The following MSRB3 variants were observed in gnomAD, a reference collection of about 807,000 sequenced individuals.
The protein encoded by MSRB3 is methionine sulfoxide reductase B3, also known as methionine-R-sulfoxide reductase B3.
Under a neutral mutation model 21.0 loss-of-function variants are expected in MSRB3, and 13 were observed. The observed-to-expected ratio is 0.62, with a 90% CI of 0.40 to 0.98. MSRB3 has a LOEUF of 0.98. Among genes scored for constraint, MSRB3 ranks in the 50% least tolerant of loss-of-function variants. MSRB3 has a pLI of 0.00. For synonymous variants in MSRB3, 87 were observed against 88.6 expected (o/e 0.98, Z 0.10); for missense variants, 199 against 230.3 (o/e 0.86, Z 0.88).
chr12:65,388,042 A>G lies in MSRB3; in HGVS notation c.292+19016A>G, dbSNP rs566908957. On this transcript the variant is annotated intron_variant, in intron 5 of 6. Transcript: ENST00000308259. Reference sequence around the variant, plus strand: ...TTTAGTTACACAGACTAAGAAAGAAACTAATAATTTGTAATCTTTCTATTT... The same window carrying G: ...TTTAGTTACACAGACTAAGAAAGAAGCTAATAATTTGTAATCTTTCTATTT... Among the ~76,000 whole-genome samples, 8 of 152,322 alleles carry G rather than the reference A, an allele frequency of 5.3e-5. No individual in the cohort carries two copies. The East Asian group carries it at 1.5e-3, about 29-fold the overall frequency.
chr12:65,414,025 G>A (rs1880848184), intron 5 of MSRB3, among the ~76,000 whole-genome samples: 1 of 152,126 alleles, frequency 6.6e-6, no homozygotes, highest in Non-Finnish European at 1.5e-5. Flanking sequence ...AGTTGAGGGA[G>A]GTGGAGGAGG....
At chr12:65,404,788 A>G (rs1406181952) in intron 5 of MSRB3, among the ~76,000 whole-genome samples, 1 of 152,012 alleles carries the variant, frequency 6.6e-6, no homozygotes, top group Non-Finnish European at 1.5e-5. Context: ...TCTCTTTGCA[A>G]TTTTCTCAAG....
chr12:65,302,102 G>A (rs931134958), intron 1 of MSRB3, among the ~76,000 whole-genome samples: 1 of 151,850 alleles, frequency 6.6e-6, no homozygotes, highest in Non-Finnish European at 1.5e-5. Context: ...TTTTAATGGA[G>A]TAAACAAATA....
chr12:65,387,027 G>C (rs1879226953), intron 5 of MSRB3, among the ~76,000 whole-genome samples: 1 of 151,906 alleles, frequency 6.6e-6, no homozygotes, highest in Admixed American at 6.6e-5. Flanking sequence ...TCAATTCTGA[G>C]TTTATTTATG....
intron 5 of MSRB3, among the ~76,000 whole-genome samples, chr12:65,415,843 CT>C (rs769054179): frequency 2.4e-4 from 36 of 152,296 alleles, no homozygotes; most frequent in Middle Eastern, 3.4e-3. Flanking sequence ...CCTTAAAAGA[CT>C]GATGGATTTA....
chr12:65,344,178 G>T (rs1216816358), intron 4 of MSRB3: 2 of 152,036 alleles, frequency 1.3e-5, no homozygotes, highest in African/African-American at 2.4e-5. Flanking sequence ...CAGAACAAAG[G>T]TTCATCAGTG....
chr12:65,305,006 G>A (rs1873563377), intron 1 of MSRB3: 1 of 152,058 alleles, frequency 6.6e-6, no homozygotes, highest in Admixed American at 6.6e-5. Context: ...GAAATATCAA[G>A]TCTAGAAATC....
intron 1 of MSRB3, among the ~76,000 whole-genome samples, chr12:65,293,645 C>T (rs2136399027): frequency 6.6e-6 from 1 of 152,280 alleles, no homozygotes; most frequent in African/African-American, 2.4e-5. Flanking sequence ...ACAGTACATC[C>T]CTCTGTTGTA....
At chr12:65,386,269 A>G (rs1306450367) in intron 5 of MSRB3, among the ~76,000 whole-genome samples, 2 of 151,966 alleles carry the variant, frequency 1.3e-5, no homozygotes, top group Non-Finnish European at 2.9e-5. Context: ...GTTATTTTAT[A>G]TGCAGATTGT....
At chr12:65,416,929 C>A (rs1197783090) in intron 5 of MSRB3, among the ~76,000 whole-genome samples, 1 of 152,118 alleles carries the variant, frequency 6.6e-6, no homozygotes, top group African/African-American at 2.4e-5. Flanking sequence ...GGTTTCAGTA[C>A]ATCTTGGTTT....
At chr12:65,345,628 C>T (rs895848642) in intron 4 of MSRB3, among the ~76,000 whole-genome samples, 7 of 152,038 alleles carry the variant, frequency 4.6e-5, no homozygotes, top group Admixed American at 6.6e-5. Flanking sequence ...GTATGCACAA[C>T]GTGCAGGTTT....
intron 1 of MSRB3, among the ~76,000 whole-genome samples, chr12:65,289,320 C>T (rs1367749069): frequency 6.6e-6 from 1 of 152,212 alleles, no homozygotes; most frequent in East Asian, 1.9e-4. Context: ...CAAGGCAAAA[C>T]CCTGTCTCTA....
At chr12:65,347,183 G>C (rs1418998366) in intron 4 of MSRB3, among the ~76,000 whole-genome samples, 7 of 151,910 alleles carry the variant, frequency 4.6e-5, no homozygotes, top group African/African-American at 1.7e-4. Flanking sequence ...GGCAGTATGG[G>C]CATTTTCACG....
At chr12:65,331,410 C>T (rs989644837) in intron 4 of MSRB3, among the ~76,000 whole-genome samples, 3 of 152,184 alleles carry the variant, frequency 2.0e-5, no homozygotes, top group African/African-American at 7.2e-5. Context: ...CCTCTGCACC[C>T]CTCCGTACAC....
intron 4 of MSRB3, among the ~76,000 whole-genome samples, chr12:65,347,987 CA>C (rs1876643696): frequency 6.6e-6 from 1 of 152,120 alleles, no homozygotes; most frequent in Admixed American, 6.6e-5. Flanking sequence ...TTCGATTTGC[CA>C]GTATTTTACT....
At chr12:65,382,669 G>A (rs1262531396) in intron 5 of MSRB3, among the ~76,000 whole-genome samples, 2 of 151,474 alleles carry the variant, frequency 1.3e-5, no homozygotes, top group Non-Finnish European at 3.0e-5. Context: ...GATGATATGT[G>A]GCTTTTACTG....
chr12:65,381,245 A>G (rs569821550), intron 5 of MSRB3, among the ~76,000 whole-genome samples: 2 of 152,206 alleles, frequency 1.3e-5, no homozygotes, highest in Non-Finnish European at 2.9e-5. Flanking sequence ...TACAATTAAT[A>G]CAGTTTACTA....
intron 2 of MSRB3, among the ~76,000 whole-genome samples, chr12:65,326,200 T>C (rs1875015784): frequency 6.6e-6 from 1 of 152,220 alleles, no homozygotes; most frequent in African/African-American, 2.4e-5. Flanking sequence ...CCATTTAACA[T>C]GGTAAGATAC....
chr12:65,307,499 A>T (rs960686066), intron 1 of MSRB3, among the ~76,000 whole-genome samples: 1 of 152,200 alleles, frequency 6.6e-6, no homozygotes, highest in Admixed American at 6.5e-5. Context: ...AATGAACAAG[A>T]CATTAATTTT....
Sources: allele counts gnomAD v4.1 joint callset (sites outside exome capture counted in the v4.1 genomes callset), GRCh38; gene constraint gnomAD v4.1.1; transcripts MANE v1.5; gene names NCBI Gene and HGNC (gene_info 2026-07-23, HGNC 2026-07-21).